Variants in EXOC4 observed in about 807,000 individuals in gnomAD.
The protein encoded by EXOC4 is exocyst complex component 4.
EXOC4 carries 71 observed loss-of-function variants against 107.2 expected under a neutral mutation model. The observed-to-expected ratio is 0.66, with a 90% CI of 0.55 to 0.81. The LOEUF is 0.81. Ranked by LOEUF, EXOC4 falls within the 30% of genes least tolerant of loss-of-function variation. The probability of loss-of-function intolerance (pLI) is 0.00; values close to 1 mark genes in which losing one functional copy is unlikely to be tolerated. For synonymous variants in EXOC4, 456 were observed against 441.2 expected (o/e 1.03, Z -0.42); for missense variants, 1,108 against 1,189.6 (o/e 0.93, Z 1.01).
intron 9 of EXOC4, among the ~76,000 whole-genome samples, chr7:133,556,796 C>T (rs1469348978): frequency 6.6e-6 from 1 of 152,080 alleles, no homozygotes; most frequent in Non-Finnish European, 1.5e-5. Context: ...AGTTCAATAT[C>T]AGAGGACTAA....
chr7:133,638,249 G>A (rs1408250708), intron 10 of EXOC4, among the ~76,000 whole-genome samples: 1 of 152,096 alleles, frequency 6.6e-6, no homozygotes, highest in East Asian at 1.9e-4. Flanking sequence ...GCAGAAATAG[G>A]AAAGCTTTTC....
chr7:133,680,055 A>G (rs1794154217), intron 10 of EXOC4, among the ~76,000 whole-genome samples: 1 of 152,212 alleles, frequency 6.6e-6, no homozygotes, highest in South Asian at 2.1e-4. Flanking sequence ...ATTCTTCATC[A>G]TAATCCCTGC....
At chr7:133,702,754 G>T (rs903023470) in intron 10 of EXOC4, among the ~76,000 whole-genome samples, 1 of 152,058 alleles carries the variant, frequency 6.6e-6, no homozygotes, top group East Asian at 1.9e-4. Flanking sequence ...GTCATCCGTG[G>T]CTCCATAACA....
chr7:133,689,548 T>G (rs1428110481), intron 10 of EXOC4, among the ~76,000 whole-genome samples: 1 of 152,196 alleles, frequency 6.6e-6, no homozygotes, highest in Non-Finnish European at 1.5e-5. Context: ...ATAGGATTAT[T>G]GCTGAAGGCA....
chr7:133,343,287 T>C (rs1273756353), intron 5 of EXOC4, among the ~76,000 whole-genome samples: 1 of 152,104 alleles, frequency 6.6e-6, no homozygotes, highest in Admixed American at 6.5e-5. Context: ...GTGATTGTTA[T>C]TGCTCTTCTG....
chr7:133,335,451 A>G (rs1483943607), intron 5 of EXOC4, among the ~76,000 whole-genome samples: 1 of 152,168 alleles, frequency 6.6e-6, no homozygotes, highest in Non-Finnish European at 1.5e-5. Flanking sequence ...GTGGAATCAT[A>G]TAGTATTTGT....
chr7:133,389,712 G>A (rs936758123), intron 7 of EXOC4, among the ~76,000 whole-genome samples: 2 of 151,992 alleles, frequency 1.3e-5, no homozygotes, highest in African/African-American at 4.8e-5. Flanking sequence ...TATCCTTGCA[G>A]AATTGTGTTA....
At chr7:133,730,570 C>T (rs779410368) in intron 10 of EXOC4, among the ~76,000 whole-genome samples, 1 of 152,080 alleles carries the variant, frequency 6.6e-6, no homozygotes, top group Non-Finnish European at 1.5e-5. Flanking sequence ...TTCACATTCG[C>T]TTTGGGATGC....
At chr7:133,590,373 T>A (rs1324077266) in intron 9 of EXOC4, among the ~76,000 whole-genome samples, 2 of 152,108 alleles carry the variant, frequency 1.3e-5, no homozygotes, top group South Asian at 4.1e-4. Flanking sequence ...CCTTTTGATA[T>A]GGACAGGAGG....
Position 133,578,931 on chromosome 7 carries a change from C to T in EXOC4, c.1418-51114C>T, listed in dbSNP as rs551818136. On this transcript the variant is annotated intron_variant, in intron 9 of 17. Coordinates refer to ENST00000253861, the MANE Select transcript of EXOC4 (RefSeq NM_021807.4). ...TTGCAGTGCCACGACTGCTCTGCCC[C>T]TATCTGAGAAAATGCTTCTTGTGCT... Among the ~76,000 whole-genome samples, 32 of 152,242 alleles carry T rather than the reference C, an allele frequency of 2.1e-4. 1 individual carries two copies. In the East Asian group the frequency reaches 6.0e-3, roughly 28 times the overall value.
chr7:133,764,190 A>G (rs957809397), intron 10 of EXOC4, among the ~76,000 whole-genome samples: 2 of 152,008 alleles, frequency 1.3e-5, no homozygotes, highest in Non-Finnish European at 2.9e-5. Context: ...CCTTCTGCTC[A>G]TCCTGCAGCC....
chr7:133,861,481 TTC>T (rs916233795), intron 11 of EXOC4, among the ~76,000 whole-genome samples: 1 of 152,174 alleles, frequency 6.6e-6, no homozygotes, highest in African/African-American at 2.4e-5. Context: ...ACCCCACAGA[TTC>T]TGATTCTCTG....
chr7:134,052,478 AT>A lies in EXOC4; in HGVS notation c.2688-11801del, dbSNP rs142514193. ...CTTCTGAGTCAAGAGGGAAGGACTG[AT>A]TTTTTTTTTTTAATGTATGTCAGCA... On this transcript the variant is annotated intron_variant, in intron 17 of 17. Transcript: ENST00000253861. Among the ~76,000 whole-genome samples the A allele has an allele frequency of 6.1e-3, 896 of 147,204 alleles. 3 individuals carry two copies. Among genetic ancestry groups the A allele is most frequent in the African/African-American group, 8.7e-3 (351 of 40,464 alleles).
At chr7:133,488,944 T>C (rs937388191) in intron 9 of EXOC4, among the ~76,000 whole-genome samples, 1 of 149,232 alleles carries the variant, frequency 6.7e-6, no homozygotes, top group Non-Finnish European at 1.5e-5. Context: ...ATAAAATCTC[T>C]ATATAAAGTC....
At chr7:134,028,622 G>C (rs1412003683) in intron 17 of EXOC4, among the ~76,000 whole-genome samples, 1 of 152,190 alleles carries the variant, frequency 6.6e-6, no homozygotes, top group East Asian at 1.9e-4. Context: ...TGGTGCCATT[G>C]CCAATGCTTG....
At chr7:133,593,685 T>A (rs1801600992) in intron 9 of EXOC4, among the ~76,000 whole-genome samples, 1 of 152,208 alleles carries the variant, frequency 6.6e-6, no homozygotes, top group Non-Finnish European at 1.5e-5. Context: ...TCAAAGATAA[T>A]CCTTTCCTCC....
At chr7:133,536,034 C>T (rs904923179) in intron 9 of EXOC4, among the ~76,000 whole-genome samples, 34 of 152,196 alleles carry the variant, frequency 2.2e-4, no homozygotes, top group Admixed American at 6.5e-4. Flanking sequence ...GAGGCAGCAG[C>T]ATCAGGTAAT....
chr7:133,677,901 G>T (rs1426236608), intron 10 of EXOC4, among the ~76,000 whole-genome samples: 1 of 152,054 alleles, frequency 6.6e-6, no homozygotes, highest in Non-Finnish European at 1.5e-5. Flanking sequence ...AGTGAATTAG[G>T]ATGTTTATTG....
At chr7:133,884,218 G>A (rs548553385) in intron 11 of EXOC4, among the ~76,000 whole-genome samples, 6 of 152,298 alleles carry the variant, frequency 3.9e-5, no homozygotes, top group South Asian at 2.1e-4. Context: ...AAGACATGAC[G>A]TTTTATTATG....
Sources: allele counts gnomAD v4.1 joint callset (sites outside exome capture counted in the v4.1 genomes callset), GRCh38; gene constraint gnomAD v4.1.1; transcripts MANE v1.5; gene names NCBI Gene and HGNC (gene_info 2026-07-23, HGNC 2026-07-21).